Variants in GSTCD observed in about 807,000 individuals in gnomAD.
GSTCD encodes the protein glutathione S-transferase C-terminal domain containing.
In GSTCD, 44 loss-of-function variants were observed where a neutral mutation model predicts 68.3. The observed-to-expected ratio is 0.64, with a 90% CI of 0.51 to 0.83. The LOEUF (loss-of-function observed/expected upper bound fraction) is 0.83. Among genes scored for constraint, GSTCD ranks in the 40% least tolerant of loss-of-function variants. GSTCD has a pLI of 0.00. For synonymous variants in GSTCD, 273 were observed against 255.2 expected, an observed-to-expected ratio of 1.07 and a Z score of -0.67; for missense variants, 739 against 735.9, an observed-to-expected ratio of 1.00 and a Z score of -0.05.
chr4:105,714,744 C>G (rs890362318), intron 1 of GSTCD, among the ~76,000 whole-genome samples: 6 of 151,804 alleles, frequency 4.0e-5, no homozygotes, highest in African/African-American at 1.5e-4. Flanking sequence ...TACTTTGTTG[C>G]ATTTTCTCTC....
intron 5 of GSTCD, among the ~76,000 whole-genome samples, chr4:105,818,795 G>T (rs1723134310): frequency 6.6e-6 from 1 of 151,740 alleles, no homozygotes; most frequent in African/African-American, 2.4e-5. Context: ...GGGTTCAAAA[G>T]ATTTCTTGAT....
intron 3 of GSTCD, 122 bp from the exon 4 acceptor site, chr4:105,726,457 T>C: frequency 3.1e-6 from 2 of 649,136 alleles, no homozygotes; most frequent in Non-Finnish European, 5.1e-6. Context: ...ATACATTTAC[T>C]ACAACTCATT....
chr4:105,760,382 T>C (rs1028632729), intron 5 of GSTCD, among the ~76,000 whole-genome samples: 2 of 152,206 alleles, frequency 1.3e-5, no homozygotes, highest in Non-Finnish European at 2.9e-5. Flanking sequence ...ATAACTTTTC[T>C]TTTTAAGAAA....
chr4:105,779,431 A>G (rs1042106231), intron 5 of GSTCD, among the ~76,000 whole-genome samples: 1 of 152,238 alleles, frequency 6.6e-6, no homozygotes, highest in Non-Finnish European at 1.5e-5. Context: ...ATTTGGAAAG[A>G]AACACTTTTA....
At chr4:105,799,370 G>A (rs1257592060) in intron 5 of GSTCD, among the ~76,000 whole-genome samples, 2 of 152,130 alleles carry the variant, frequency 1.3e-5, no homozygotes, top group Non-Finnish European at 2.9e-5. Context: ...TCGTGCAAGA[G>A]GTCTGTCTCA....
At chr4:105,770,359 C>CT (rs67376535) in intron 5 of GSTCD, among the ~76,000 whole-genome samples, 2 of 148,800 alleles carry the variant, frequency 1.3e-5, no homozygotes, top group African/African-American at 5.0e-5. Context: ...GTTCCTTATA[C>CT]TTTTTTTTTT....
At chr4:105,713,307 A>G (rs1732593910) in intron 1 of GSTCD, among the ~76,000 whole-genome samples, 1 of 152,196 alleles carries the variant, frequency 6.6e-6, no homozygotes, top group African/African-American at 2.4e-5. Context: ...AATGAAAGGA[A>G]TCAGGAAAGA....
chr4:105,809,615 T>A (rs1213763916), intron 5 of GSTCD, among the ~76,000 whole-genome samples: 1 of 152,082 alleles, frequency 6.6e-6, no homozygotes, highest in Admixed American at 6.6e-5. Flanking sequence ...CTGGAATGTG[T>A]ACTCCATGGC....
At chr4:105,804,483 T>C (rs1002302484) in intron 5 of GSTCD, among the ~76,000 whole-genome samples, 3 of 152,134 alleles carry the variant, frequency 2.0e-5, no homozygotes, top group African/African-American at 7.2e-5. Flanking sequence ...TCATGATTAT[T>C]TAATGTTAAT....
chr4:105,714,157 G>A lies in GSTCD; in HGVS notation c.-21-3436G>A, dbSNP rs571984743. Reference sequence around the variant, plus strand: ...TTTCTTTTTACCCATTTATTCATTCGGCAAGATTCCCAAGCAAATTGGCAC... The same window carrying A: ...TTTCTTTTTACCCATTTATTCATTCAGCAAGATTCCCAAGCAAATTGGCAC... On this transcript the variant is annotated intron_variant, in intron 1 of 11. Transcript: ENST00000515279. Among the ~76,000 whole-genome samples, 9 of 151,964 alleles carry A rather than the reference G, an allele frequency of 5.9e-5. No homozygotes were observed. In the South Asian group the frequency reaches 1.0e-3, roughly 18 times the overall value.
intron 1 of GSTCD, among the ~76,000 whole-genome samples, chr4:105,710,387 CTTTTTTT>C (rs70941210): frequency 8.1e-6 from 1 of 123,712 alleles, no homozygotes; most frequent in Admixed American, 8.5e-5. Flanking sequence ...CACTCGGCTC[CTTTTTTT>C]TTTTTTTTTT....
At chr4:105,791,407 A>AC (rs1735670816) in intron 5 of GSTCD, among the ~76,000 whole-genome samples, 1 of 151,636 alleles carries the variant, frequency 6.6e-6, no homozygotes, top group African/African-American at 2.4e-5. Flanking sequence ...AAAAAAAAAA[A>AC]AAGAAAAAAG....
At chr4:105,773,703 A>AT (rs938434956) in intron 5 of GSTCD, among the ~76,000 whole-genome samples, 3 of 152,088 alleles carry the variant, frequency 2.0e-5, no homozygotes, top group African/African-American at 7.2e-5. Flanking sequence ...TTCTAATTTG[A>AT]TTGCACTGTG....
At chr4:105,798,458 A>C (rs1410364959) in intron 5 of GSTCD, among the ~76,000 whole-genome samples, 1 of 151,836 alleles carries the variant, frequency 6.6e-6, no homozygotes, top group Non-Finnish European at 1.5e-5. Flanking sequence ...TCTTTCAGAG[A>C]TGTTACTACC....
intron 5 of GSTCD, chr4:105,746,168 A>AGTCT (rs1308484190): frequency 2.0e-5 from 3 of 152,140 alleles, no homozygotes; most frequent in Admixed American, 2.0e-4. Flanking sequence ...AATAACCTAA[A>AGTCT]CAGTTGATTG....
chr4:105,840,266 C>A, intron 10 of GSTCD: 1 of 442,678 alleles, frequency 2.3e-6, no homozygotes, highest in South Asian at 1.6e-5. Context: ...GGACAAAGTG[C>A]ACACTGTTTC....
At chr4:105,794,164 A>G in intron 5 of GSTCD, among the ~76,000 whole-genome samples, 1 of 152,112 alleles carries the variant, frequency 6.6e-6, no homozygotes, top group Non-Finnish European at 1.5e-5. Context: ...TACTTGAAAT[A>G]TAACAGTAAA....
intron 5 of GSTCD, among the ~76,000 whole-genome samples, chr4:105,800,038 C>T (rs1416186116): frequency 1.3e-5 from 2 of 151,984 alleles, no homozygotes; most frequent in South Asian, 2.1e-4. Flanking sequence ...ATTATTAAAT[C>T]CTTTTATTGT....
In GSTCD at chr4:105,845,785, G is replaced by T; in HGVS notation, c.*208G>T. On this transcript the variant is annotated 3_prime_UTR_variant, in exon 12 of 12. Transcript: ENST00000515279. ...TACAATGTGTGATTAAAGGACTGCTGGTTTTTATAGTGAGAATCCCCTGAA... is the reference window on the plus strand; with the variant it reads ...TACAATGTGTGATTAAAGGACTGCTTGTTTTTATAGTGAGAATCCCCTGAA... 1.9e-6 allele frequency: 1 copy of T among 532,448 alleles called. No individual in the cohort carries two copies. Among genetic ancestry groups the T allele is most frequent in the Non-Finnish European group, 3.4e-6 (1 of 298,162 alleles). The allele number at this position is 532,448 out of a possible 1,614,324, so 33.0% of individuals were successfully genotyped here.
Sources: gnomAD v4.1 joint callset for allele counts (sites outside exome capture counted in the v4.1 genomes callset) on GRCh38, gnomAD v4.1.1 for gene constraint, MANE v1.5 for transcripts, NCBI Gene and HGNC (gene_info 2026-07-23, HGNC 2026-07-21) for gene names.